Variants in ZBTB20 observed in about 807,000 individuals in gnomAD.
The protein encoded by ZBTB20 is zinc finger and BTB domain-containing protein 20.
Under a neutral mutation model 56.9 loss-of-function variants are expected in ZBTB20, and 9 were observed. The ratio of observed to expected loss-of-function variants is 0.16; its 90% CI spans 0.10 to 0.28. The LOEUF is 0.28. Among genes scored for constraint, ZBTB20 ranks in the 10% least tolerant of loss-of-function variants. ZBTB20 has a pLI of 1.00. For missense variants in ZBTB20, 655 were observed against 1,003.0 expected (o/e 0.65, Z 4.69); for synonymous variants, 417 against 420.7 (o/e 0.99, Z 0.11).
chr3:114,570,128 A>C (rs942401418), intron 6 of ZBTB20, among the ~76,000 whole-genome samples: 1 of 138,170 alleles, frequency 7.2e-6, no homozygotes, highest in Non-Finnish European at 1.6e-5. Flanking sequence ...GGGGGAAAGA[A>C]GATTATAAAG....
At chr3:114,517,328 T>C (rs1474512703) in intron 6 of ZBTB20, among the ~76,000 whole-genome samples, 1 of 152,164 alleles carries the variant, frequency 6.6e-6, no homozygotes, top group South Asian at 2.1e-4. Flanking sequence ...AGAAAATAAG[T>C]AAATAAGATA....
intron 3 of ZBTB20, among the ~76,000 whole-genome samples, chr3:114,926,143 C>G (rs1036232953): frequency 1.2e-4 from 19 of 152,138 alleles, no homozygotes; most frequent in African/African-American, 3.9e-4. Context: ...CCGTTCCTTC[C>G]CAGAGTTCCT....
intron 6 of ZBTB20, among the ~76,000 whole-genome samples, chr3:114,650,580 A>G (rs1285941587): frequency 1.3e-5 from 2 of 151,896 alleles, no homozygotes; most frequent in Non-Finnish European, 2.9e-5. Context: ...TCTTCTTCCT[A>G]CTATTATTAT....
intron 7 of ZBTB20, among the ~76,000 whole-genome samples, chr3:114,409,103 T>TAAG: frequency 7.0e-6 from 1 of 142,756 alleles, no homozygotes; most frequent in Non-Finnish European, 1.5e-5. Context: ...TCAAATCTTC[T>TAAG]AAGAGGGGGA....
At chr3:114,836,941 A>G (rs1049682311) in intron 4 of ZBTB20, among the ~76,000 whole-genome samples, 42 of 152,166 alleles carry the variant, frequency 2.8e-4, no homozygotes, top group African/African-American at 1.0e-3. Flanking sequence ...TCTCTCCATT[A>G]TCTGTTCATG....
At chr3:115,062,726 T>A (rs1190962064) in intron 2 of ZBTB20, among the ~76,000 whole-genome samples, 1 of 152,040 alleles carries the variant, frequency 6.6e-6, no homozygotes, top group Non-Finnish European at 1.5e-5. Flanking sequence ...CCAAATCACA[T>A]AACCTCCATA....
Position 114,692,323 on chromosome 3 carries a change from GC to G in ZBTB20, c.-295+1204del, listed in dbSNP as rs201678955. On this transcript the variant is annotated intron_variant, in intron 6 of 11. Coordinates refer to ENST00000675478, the MANE Select transcript of ZBTB20 (RefSeq NM_001348800.3). ...GGAGCTACAATCCCGAAGGCTCCTG[GC>G]CTTCACTGGTGAGATGGATATGCTC... 7.1e-3 allele frequency among the ~76,000 whole-genome samples: 1,079 copies of G among 152,156 alleles called. 12 individuals are homozygous for G. The highest frequency in any genetic ancestry group is 0.024 in the African/African-American group (1,001 of 41,512).
At chr3:115,125,019 C>A (rs758034884) in intron 1 of ZBTB20, among the ~76,000 whole-genome samples, 3 of 151,542 alleles carry the variant, frequency 2.0e-5, no homozygotes, top group Non-Finnish European at 4.4e-5. Context: ...TACCCCTGAA[C>A]TTAAAGTTTT....
chr3:114,370,124 C>G (rs892289835), intron 10 of ZBTB20, among the ~76,000 whole-genome samples: 1 of 152,142 alleles, frequency 6.6e-6, no homozygotes, highest in African/African-American at 2.4e-5. Context: ...ATTCCAATTG[C>G]CCTGTGAAAT....
chr3:114,694,938 A>T (rs2062915286), intron 5 of ZBTB20, among the ~76,000 whole-genome samples: 1 of 152,074 alleles, frequency 6.6e-6, no homozygotes, highest in Non-Finnish European at 1.5e-5. Flanking sequence ...TCTGTATCAG[A>T]TTTCTTCTTA....
At chr3:114,787,904 T>C (rs999652275) in intron 5 of ZBTB20, among the ~76,000 whole-genome samples, 1 of 152,148 alleles carries the variant, frequency 6.6e-6, no homozygotes, top group African/African-American at 2.4e-5. Context: ...AATGAGAATG[T>C]CTAACATAGC....
chr3:114,525,949 A>G (rs16822875), intron 6 of ZBTB20, among the ~76,000 whole-genome samples: 9,840 of 152,272 alleles, frequency 0.065, 406 homozygotes, highest in Middle Eastern at 0.16. Flanking sequence ...CAGCTAAATC[A>G]TTGTCATTGC....
At chr3:114,783,981 A>T (rs2070307766) in intron 5 of ZBTB20, among the ~76,000 whole-genome samples, 2 of 152,164 alleles carry the variant, frequency 1.3e-5, no homozygotes, top group South Asian at 4.1e-4. Context: ...ACCAATTCTT[A>T]TCATTTTAAT....
intron 5 of ZBTB20, among the ~76,000 whole-genome samples, chr3:114,737,994 CT>C (rs961689279): frequency 6.6e-6 from 1 of 151,888 alleles, no homozygotes; most frequent in African/African-American, 2.4e-5. Context: ...AGTGTTCTTG[CT>C]TTTTTTCTAG....
At position 114,333,927 on chromosome 3, in the gene ZBTB20, A is replaced by T. The variant is rs1442505149; in HGVS notation, c.*5078T>A. 1 of 152,160 alleles carries T rather than the reference A, an allele frequency of 6.6e-6. No individual in the cohort carries two copies. The highest frequency in any genetic ancestry group is 1.9e-4 in the East Asian group (1 of 5,190). 9.4% of individuals were successfully genotyped at this position (152,160 alleles called of 1,614,324 possible). On this transcript the variant is annotated 3_prime_UTR_variant, in exon 12 of 12. Coordinates refer to ENST00000675478, the MANE Select transcript of ZBTB20 (RefSeq NM_001348800.3). ...TGTTCTCTGCCCTAGAGCTTCCATT[A>T]CCCTGGACTTCAACTCATTACCAAA... is the stretch of plus-strand genomic sequence containing the variant.
Position 114,316,552 on chromosome 3 carries a change from C to T in ZBTB20, c.*22453G>A. ...TATAGGAAGTGTGTATACATTTATA[C>T]ATAATATAGTGTATATCGTTTCAAC... is the stretch of plus-strand genomic sequence containing the variant. On this transcript the variant is annotated 3_prime_UTR_variant, in exon 12 of 12. Coordinates refer to ENST00000675478, the MANE Select transcript of ZBTB20 (RefSeq NM_001348800.3). 1.9e-6 allele frequency: 1 copy of T among 533,516 alleles called. No homozygotes were observed. Among genetic ancestry groups the T allele is most frequent in the South Asian group, 1.4e-5 (1 of 71,270 alleles). The allele number at this position is 533,516 out of a possible 1,614,324, so 33.0% of individuals were successfully genotyped here. A position where few individuals can be genotyped will look rare whatever the true frequency, so the allele number is the denominator to read the frequency against.
At chr3:115,027,228 T>C (rs1424017974) in intron 2 of ZBTB20, among the ~76,000 whole-genome samples, 1 of 150,940 alleles carries the variant, frequency 6.6e-6, no homozygotes, top group Non-Finnish European at 1.5e-5. Flanking sequence ...TAAAGTAAAA[T>C]AAACAATGTG....
chr3:114,655,499 G>A (rs995225564), intron 6 of ZBTB20, among the ~76,000 whole-genome samples: 1 of 151,450 alleles, frequency 6.6e-6, no homozygotes, highest in African/African-American at 2.4e-5. Flanking sequence ...TGATCCACCC[G>A]CCTCGGCCTC....
chr3:114,810,881 C>G (rs906481641), intron 4 of ZBTB20, among the ~76,000 whole-genome samples: 3 of 151,980 alleles, frequency 2.0e-5, no homozygotes, highest in African/African-American at 7.3e-5. Context: ...CTTCAACTGC[C>G]CCTCCTACTA....
Sources: gnomAD v4.1 joint callset for allele counts (sites outside exome capture counted in the v4.1 genomes callset) on GRCh38, gnomAD v4.1.1 for gene constraint, MANE v1.5 for transcripts, NCBI Gene and HGNC (gene_info 2026-07-23, HGNC 2026-07-21) for gene names.